FBLN5: variants seen among roughly 807,000 people sequenced by gnomAD.
FBLN5 encodes the protein fibulin 5.
In FBLN5, 24 loss-of-function variants were observed where a neutral mutation model predicts 61.6. The ratio of observed to expected loss-of-function variants is 0.39; its 90% CI spans 0.28 to 0.55. The LOEUF (loss-of-function observed/expected upper bound fraction) is 0.55. Ranked by LOEUF, FBLN5 falls within the 20% of genes least tolerant of loss-of-function variation. FBLN5 has a pLI of 0.65. For missense variants in FBLN5, 470 were observed against 594.1 expected (o/e 0.79, Z 2.17); for synonymous variants, 213 against 219.8 (o/e 0.97, Z 0.27).
intron 4 of FBLN5, among the ~76,000 whole-genome samples, chr14:91,928,488 A>C (rs978177262): frequency 2.6e-5 from 4 of 152,232 alleles, no homozygotes; most frequent in Admixed American, 6.5e-5. Flanking sequence ...AAACGAATGT[A>C]TGGCTGGGCA....
At chr14:91,901,531 C>T (rs1475457034) in intron 4 of FBLN5, among the ~76,000 whole-genome samples, 2 of 152,210 alleles carry the variant, frequency 1.3e-5, no homozygotes, top group Non-Finnish European at 2.9e-5. Flanking sequence ...AACAATGGCA[C>T]ATTCCTACAC....
rs2056196413 is a variant in FBLN5 at position 91,947,073 on chromosome 14, A to G, written c.17+140T>C. On this transcript the variant is annotated intron_variant, in intron 1 of 10. Coordinates refer to ENST00000342058, the MANE Select transcript of FBLN5 (RefSeq NM_006329.4). This position sits in a 1 kb window ranked among gnomAD's most constrained non-coding sequence, Gnocchi z 4.3. ...GAGGCGCAGCTTTTTATAATTAACA[A>G]TATCATTGCATCACTAGCTCATGCC... 4 of 1,536,934 alleles carry G rather than the reference A, an allele frequency of 2.6e-6. No individual in the cohort carries two copies. The highest frequency in any genetic ancestry group is 2.7e-5 in the African/African-American group (2 of 72,842).
chr14:91,882,974 T>A lies in FBLN5; in HGVS notation c.842A>T (p.Asp281Val). ...CSCPPGYILL[D>V]DNRSCQDINE... ...CTTACCTTGGCAGCTTCGGTTGTCA[T>A]CCAGCAGGATGTAGCCTGGAGGGCA... Residue 281 changes from aspartate (D) to valine (V), a missense_variant, in exon 8 of 11, where the codon GAT becomes GTT. Asp to Val is a radical substitution (Grantham distance 152, BLOSUM62 -3). Transcript: ENST00000342058. The surrounding 1 kb of genome is among the most constrained non-coding windows in gnomAD (Gnocchi z 4.9). The A allele has an allele frequency of 2.5e-6, 4 of 1,614,056 alleles. No individual in the cohort carries two copies. The highest frequency in any genetic ancestry group is 1.7e-4 in the Middle Eastern group (1 of 6,060).
rs930813881 is a variant in FBLN5, at chr14:91,882,170, A to G, written c.863-752T>C. 6.6e-6 allele frequency among the ~76,000 whole-genome samples: 1 copy of G among 152,212 alleles called. No individual in the cohort carries two copies. Among genetic ancestry groups the G allele is most frequent in the African/African-American group, 2.4e-5 (1 of 41,442 alleles). ...AGACTCTGTCACAAAAAGAAAAAAA[A>G]GAAAGAAAGAAAAGAAAATATAGTA... On this transcript the variant is annotated intron_variant, in intron 8 of 10. Transcript: ENST00000342058. This position sits in a 1 kb window ranked among gnomAD's most constrained non-coding sequence, Gnocchi z 4.9.
chr14:91,905,182 T>C (rs776960186), intron 4 of FBLN5, among the ~76,000 whole-genome samples: 8 of 152,074 alleles, frequency 5.3e-5, no homozygotes, highest in Non-Finnish European at 2.9e-5. Flanking sequence ...ATGCCTGCAG[T>C]GAGAAGACCC....
At chr14:91,878,195 T>C (rs1225177568) in intron 9 of FBLN5, among the ~76,000 whole-genome samples, 2 of 152,222 alleles carry the variant, frequency 1.3e-5, no homozygotes, top group Non-Finnish European at 2.9e-5. Flanking sequence ...TGTCATTCGA[T>C]AATTGATAAG....
At chr14:91,883,199 C>G (rs1033898771) in intron 7 of FBLN5, 123 bp from the exon 8 acceptor site, 1 of 1,095,386 alleles carries the variant, frequency 9.1e-7, no homozygotes, top group Non-Finnish European at 1.4e-6. Flanking sequence ...TGCCAAGAAG[C>G]TGTCAATTCA....
At chr14:91,929,698 G>GAA (rs113857192) in intron 4 of FBLN5, among the ~76,000 whole-genome samples, 1 of 152,074 alleles carries the variant, frequency 6.6e-6, no homozygotes, top group African/African-American at 2.4e-5. Flanking sequence ...CAAATTGCAT[G>GAA]AAAAAAATAA....
intron 4 of FBLN5, among the ~76,000 whole-genome samples, chr14:91,933,729 G>A (rs1452392032): frequency 6.6e-6 from 1 of 152,068 alleles, no homozygotes; most frequent in Non-Finnish European, 1.5e-5. Context: ...ACAGAAGTTG[G>A]GTGATAAGTA....
Position 91,876,177 on chromosome 14 carries a change from G to C in FBLN5, c.1185+1310C>G, listed in dbSNP as rs553376720. ...CCAGAGCTCACATTAGAATGACTGA[G>C]TGGTTTCCCGGGGAGGGTCCCGCAG... is the stretch of plus-strand genomic sequence containing the variant. On this transcript the variant is annotated intron_variant, in intron 10 of 10. Coordinates refer to ENST00000342058, the MANE Select transcript of FBLN5 (RefSeq NM_006329.4). 2.0e-3 allele frequency among the ~76,000 whole-genome samples: 309 copies of C among 152,334 alleles called. 3 individuals carry two copies. The highest frequency in any genetic ancestry group is 7.3e-3 in the African/African-American group (303 of 41,580).
In FBLN5 at chr14:91,918,452, C is replaced by T. The variant is rs149140634; in HGVS notation, c.379+18495G>A. ...TCCATAGAGCTGAGCCAAAAGAATG[C>T]CATTATTTAAGATATGATTGAAGAG... On this transcript the variant is annotated intron_variant, in intron 4 of 10. Transcript: ENST00000342058. 5.3e-3 allele frequency among the ~76,000 whole-genome samples: 800 copies of T among 152,228 alleles called. 3 individuals are homozygous for T. The highest frequency in any genetic ancestry group is 0.01 in the Middle Eastern group (3 of 294).
intron 6 of FBLN5, among the ~76,000 whole-genome samples, chr14:91,888,457 AAATT>A (rs1234093656): frequency 6.6e-6 from 1 of 151,756 alleles, no homozygotes; most frequent in African/African-American, 2.4e-5. Context: ...AAATACAAAA[AAATT>A]AGCCAGGCAT....
chr14:91,913,774 C>G (rs1342910342), intron 4 of FBLN5, among the ~76,000 whole-genome samples: 2 of 152,164 alleles, frequency 1.3e-5, no homozygotes, highest in Non-Finnish European at 2.9e-5. Context: ...ATCATGAAGA[C>G]CCTATGTCCT....
At chr14:91,946,185 G>A (rs1474020181) in intron 1 of FBLN5, among the ~76,000 whole-genome samples, 1 of 151,996 alleles carries the variant, frequency 6.6e-6, no homozygotes, top group African/African-American at 2.4e-5. Flanking sequence ...TGAGTCCTGG[G>A]GGCCAAACAG....
In FBLN5 at chr14:91,910,850, C is replaced by A. The variant is rs930196248; in HGVS notation, c.380-15778G>T. 3.9e-5 allele frequency among the ~76,000 whole-genome samples: 6 copies of A among 152,090 alleles called. 1 individual carries two copies. The highest frequency in any genetic ancestry group is 3.9e-4 in the East Asian group (2 of 5,194). On this transcript the variant is annotated intron_variant, in intron 4 of 10. Coordinates refer to ENST00000342058, the MANE Select transcript of FBLN5 (RefSeq NM_006329.4). ...AGGCAGGGAAGGAAAGAAGCAGGAA[C>A]AAAGAGGTCTGGACTATGACGTGGG... is the stretch of plus-strand genomic sequence containing the variant.
At chr14:91,922,264 G>C (rs1242653184) in intron 4 of FBLN5, among the ~76,000 whole-genome samples, 1 of 151,648 alleles carries the variant, frequency 6.6e-6, no homozygotes, top group Non-Finnish European at 1.5e-5. Flanking sequence ...CTGCACTCCA[G>C]CCTGGGTGAC....
intron 6 of FBLN5, among the ~76,000 whole-genome samples, chr14:91,888,872 C>T (rs1889855403): frequency 6.6e-6 from 1 of 152,164 alleles, no homozygotes; most frequent in African/African-American, 2.4e-5. Flanking sequence ...TCCCACAATG[C>T]TCCATACACC....
intron 1 of FBLN5, among the ~76,000 whole-genome samples, chr14:91,945,754 G>A (rs1171258182): frequency 6.6e-6 from 1 of 152,180 alleles, no homozygotes; most frequent in Non-Finnish European, 1.5e-5. Context: ...TAAGGACGCT[G>A]AGAGTCCACA....
At chr14:91,878,231 G>A (rs1217459894) in intron 9 of FBLN5, among the ~76,000 whole-genome samples, 1 of 152,208 alleles carries the variant, frequency 6.6e-6, no homozygotes, top group Non-Finnish European at 1.5e-5. Flanking sequence ...TGTACAAGAT[G>A]TGACATTGGA....
Sources: allele counts gnomAD v4.1 joint callset (sites outside exome capture counted in the v4.1 genomes callset), GRCh38; gene constraint gnomAD v4.1.1; non-coding constraint Gnocchi (gnomAD v3.1); transcripts MANE v1.5; gene names NCBI Gene and HGNC (gene_info 2026-07-23, HGNC 2026-07-21).